Variants in ZPBP observed in about 807,000 individuals in gnomAD.
ZPBP encodes zona pellucida-binding protein 1.
In ZPBP, 26 loss-of-function variants were observed where a neutral mutation model predicts 44.8. That is an observed-to-expected ratio of 0.58 (90% CI 0.43 to 0.81). The LOEUF is 0.81. Ranked by LOEUF, ZPBP falls within the 30% of genes least tolerant of loss-of-function variation. ZPBP has a pLI of 0.00. For missense variants in ZPBP, 409 were observed against 434.0 expected (o/e 0.94, Z 0.51); for synonymous variants, 174 against 153.2 (o/e 1.14, Z -1.00).
intron 1 of ZPBP, chr7:49,915,968 A>C (rs1273987480): frequency 1.3e-5 from 2 of 152,192 alleles, no homozygotes; most frequent in Non-Finnish European, 2.9e-5. Flanking sequence ...ACAGTCAGTA[A>C]CTATTCTGAA....
intron 7 of ZPBP, among the ~76,000 whole-genome samples, chr7:49,947,024 A>G (rs895014880): frequency 6.6e-5 from 10 of 152,104 alleles, no homozygotes; most frequent in Non-Finnish European, 1.5e-5. Context: ...TTTCAGCTCC[A>G]GAACTTCTGC....
At chr7:49,947,953 G>A (rs1795172793) in intron 7 of ZPBP, among the ~76,000 whole-genome samples, 1 of 152,190 alleles carries the variant, frequency 6.6e-6, no homozygotes. Flanking sequence ...CTCAAGCATA[G>A]TAGTCTCTCT....
chr7:50,034,978 T>C (rs1799766143), intron 4 of ZPBP, among the ~76,000 whole-genome samples: 1 of 152,264 alleles, frequency 6.6e-6, no homozygotes, highest in Admixed American at 6.5e-5. Context: ...CCATTCTGCC[T>C]TAGCCTCTAT....
rs911075237 is a variant in ZPBP at position 50,079,499 on chromosome 7, C to T, written c.334+2275G>A. Among the ~76,000 whole-genome samples the T allele has an allele frequency of 2.0e-5, 3 of 151,568 alleles. 1 individual carries two copies. In the South Asian group the frequency reaches 6.2e-4, roughly 31 times the overall value. On this transcript the variant is annotated intron_variant, in intron 3 of 7. Coordinates refer to ENST00000046087, the MANE Select transcript of ZPBP (RefSeq NM_007009.3). ...CACACTAATACTCATACAAAAGTCA[C>T]ATTCACACTCCACCCTACCACAAAT...
Position 49,991,792 on chromosome 7 carries a change from T to C in ZPBP, c.784-8273A>G, listed in dbSNP as rs1331908349. Among the ~76,000 whole-genome samples, 3 of 152,068 alleles carry C rather than the reference T, an allele frequency of 2.0e-5. No homozygotes were observed. The East Asian group carries it at 5.8e-4, about 29-fold the overall frequency. ...TTTAAAAATAGGAAAAATATGTCTA[T>C]TTTTAGCCTTGTGGTGTCCTAGATA... On this transcript the variant is annotated intron_variant, in intron 6 of 7. Coordinates refer to ENST00000046087, the MANE Select transcript of ZPBP (RefSeq NM_007009.3).
chr7:49,993,438 C>A (rs746425745), intron 6 of ZPBP, among the ~76,000 whole-genome samples: 1 of 152,116 alleles, frequency 6.6e-6, no homozygotes, highest in Admixed American at 6.6e-5. Flanking sequence ...CTAAATTAAA[C>A]ACAATTGATT....
At chr7:49,885,656 C>G (rs1199579258) in intron 2 of ZPBP, among the ~76,000 whole-genome samples, 3 of 152,194 alleles carry the variant, frequency 2.0e-5, no homozygotes, top group Non-Finnish European at 4.4e-5. Flanking sequence ...GAAAGTTCTA[C>G]CTAGTCCATT....
At chr7:49,899,526 T>C (rs1233179198) in intron 2 of ZPBP, among the ~76,000 whole-genome samples, 1 of 152,008 alleles carries the variant, frequency 6.6e-6, no homozygotes, top group Non-Finnish European at 1.5e-5. Context: ...TAAGTAGCTA[T>C]ATTAATTTCT....
chr7:49,897,184 C>T (rs1247534297), intron 2 of ZPBP, among the ~76,000 whole-genome samples: 4 of 152,010 alleles, frequency 2.6e-5, no homozygotes, highest in South Asian at 2.1e-4. Context: ...CGTGAGCCAC[C>T]GCGCCCGGCC....
chr7:50,069,937 C>T (rs147544106), intron 3 of ZPBP, among the ~76,000 whole-genome samples: 2 of 152,216 alleles, frequency 1.3e-5, no homozygotes, highest in Non-Finnish European at 2.9e-5. Flanking sequence ...ATCTATGCCT[C>T]CCCACGTCAC....
At chr7:49,902,927 C>T (rs147169072) in intron 1 of ZPBP, among the ~76,000 whole-genome samples, 1 of 151,916 alleles carries the variant, frequency 6.6e-6, no homozygotes, top group African/African-American at 2.4e-5. Flanking sequence ...ACAATAAAAA[C>T]ACCAAACAAT....
intron 4 of ZPBP, among the ~76,000 whole-genome samples, chr7:50,044,408 A>T (rs1338862140): frequency 6.6e-6 from 1 of 152,162 alleles, no homozygotes; most frequent in Middle Eastern, 3.2e-3. Flanking sequence ...AACAAAATAG[A>T]TAGACTGCTA....
chr7:49,847,144 G>A (rs111861075), downstream of ZPBP, among the ~76,000 whole-genome samples: 2 of 151,766 alleles, frequency 1.3e-5, no homozygotes, highest in African/African-American at 4.8e-5. Context: ...TATTTTAAAA[G>A]GGTCACTGCC....
chr7:49,892,261 T>G (rs1792174819), intron 2 of ZPBP, among the ~76,000 whole-genome samples: 1 of 151,780 alleles, frequency 6.6e-6, no homozygotes, highest in Non-Finnish European at 1.5e-5. Flanking sequence ...TTAGCCAGGA[T>G]GGTCTCGATC....
chr7:50,000,412 T>C (rs1798041090), intron 6 of ZPBP, among the ~76,000 whole-genome samples: 1 of 152,186 alleles, frequency 6.6e-6, no homozygotes, highest in African/African-American at 2.4e-5. Flanking sequence ...AAAGAATTTT[T>C]TGATGACCGC....
intron 2 of ZPBP, among the ~76,000 whole-genome samples, chr7:49,853,740 G>T (rs1790293833): frequency 6.6e-6 from 1 of 151,870 alleles, no homozygotes; most frequent in Non-Finnish European, 1.5e-5. Flanking sequence ...TATACTTTAA[G>T]TTCTAGGGTA....
At chr7:49,989,141 G>C (rs1266011532) in intron 6 of ZPBP, among the ~76,000 whole-genome samples, 1 of 152,142 alleles carries the variant, frequency 6.6e-6, no homozygotes, top group African/African-American at 2.4e-5. Context: ...TGGAGAAATT[G>C]GTTGTTTTAC....
intron 5 of ZPBP, among the ~76,000 whole-genome samples, chr7:50,030,511 C>A (rs1289210382): frequency 1.8e-4 from 25 of 136,240 alleles, no homozygotes; most frequent in East Asian, 2.4e-4. Context: ...TAAAAAAAAA[C>A]CCTAAAAAAG....
chr7:49,841,654 G>A, the ZPBP span, among the ~76,000 whole-genome samples: 1 of 152,190 alleles, frequency 6.6e-6, no homozygotes, highest in East Asian at 1.9e-4. Flanking sequence ...CACACTCAGG[G>A]AGGCCCTGCA....
Sources: allele counts gnomAD v4.1 joint callset (sites outside exome capture counted in the v4.1 genomes callset), GRCh38; gene constraint gnomAD v4.1.1; transcripts MANE v1.5; gene names NCBI Gene and HGNC (gene_info 2026-07-23, HGNC 2026-07-21).